Variants in RAB27A observed in about 807,000 individuals in gnomAD.
The protein encoded by RAB27A is ras-related protein Rab-27A.
A neutral mutation model predicts 20.8 loss-of-function variants in RAB27A; 17 were observed. The ratio of observed to expected loss-of-function variants is 0.82; its 90% CI spans 0.56 to 1.23. RAB27A has a LOEUF of 1.23. RAB27A is among the 50% of genes most tolerant of loss of function. RAB27A has a pLI of 0.00. For missense variants in RAB27A, 277 were observed against 266.7 expected, an observed-to-expected ratio of 1.04 and a Z score of -0.27; for synonymous variants, 85 against 92.8, an observed-to-expected ratio of 0.92 and a Z score of 0.48.
intron 2 of RAB27A, among the ~76,000 whole-genome samples, chr15:55,258,208 C>A (rs2141058222): frequency 6.6e-6 from 1 of 152,178 alleles, no homozygotes; most frequent in East Asian, 1.9e-4. Context: ...CTCTTATTAC[C>A]CTTATCTAAT....
At chr15:55,253,059 G>T (rs1373449710) in intron 2 of RAB27A, among the ~76,000 whole-genome samples, 1 of 151,896 alleles carries the variant, frequency 6.6e-6, no homozygotes, top group Non-Finnish European at 1.5e-5. Context: ...TTGAACCCAG[G>T]AGGCGGAGGT....
intron 2 of RAB27A, among the ~76,000 whole-genome samples, chr15:55,306,061 G>A (rs1342943014): frequency 1.3e-5 from 2 of 152,156 alleles, no homozygotes; most frequent in Admixed American, 6.6e-5. Flanking sequence ...ACAACAATAG[G>A]CTGAGGTACC....
chr15:55,281,778 A>G (rs1034024476), intron 1 of RAB27A, among the ~76,000 whole-genome samples: 2 of 142,368 alleles, frequency 1.4e-5, no homozygotes, highest in African/African-American at 5.0e-5. Flanking sequence ...AAAGAGAAGG[A>G]AAAAAAAAGA....
chr15:55,279,350 A>G (rs1897956130), intron 1 of RAB27A, among the ~76,000 whole-genome samples: 1 of 152,196 alleles, frequency 6.6e-6, no homozygotes, highest in Non-Finnish European at 1.5e-5. Context: ...AGAATCACCT[A>G]GGATATGTGA....
intron 2 of RAB27A, among the ~76,000 whole-genome samples, chr15:55,253,423 GGTGACA>G (rs960458404): frequency 4.1e-4 from 62 of 151,928 alleles, no homozygotes; most frequent in African/African-American, 1.5e-3. Context: ...CTCCAGCCTG[GGTGACA>G]GAGCGAGACT....
chr15:55,249,084 G>A (rs1338836947), intron 2 of RAB27A: 4 of 152,124 alleles, frequency 2.6e-5, no homozygotes, highest in African/African-American at 4.8e-5. Context: ...TATAGAATGG[G>A]GTGTGACTTG....
rs190632652 is a variant in RAB27A, at chr15:55,282,582, G to C, written c.-143+7134C>G. On this transcript the variant is annotated intron_variant, in intron 1 of 6. Coordinates refer to ENST00000336787, the MANE Select transcript of RAB27A (RefSeq NM_183235.3). ...TTTTATTATTTCCTTTCCAGGGTATGGTGGTCAGCTGGAAATCTGGGAAGT... is the reference window on the plus strand; with the variant it reads ...TTTTATTATTTCCTTTCCAGGGTATCGTGGTCAGCTGGAAATCTGGGAAGT... 8.9e-4 allele frequency among the ~76,000 whole-genome samples: 136 copies of C among 152,260 alleles called. 1 individual carries two copies. The highest frequency in any genetic ancestry group is 3.2e-3 in the African/African-American group (131 of 41,542).
At chr15:55,287,071 C>T (rs28380118) in intron 1 of RAB27A, among the ~76,000 whole-genome samples, 3,295 of 151,840 alleles carry the variant, frequency 0.022, 116 homozygotes, top group African/African-American at 0.076. Flanking sequence ...AGGCACCCAC[C>T]ACCACGCCCC....
intron 2 of RAB27A, among the ~76,000 whole-genome samples, chr15:55,303,288 G>A (rs1484597759): frequency 9.2e-6 from 1 of 108,662 alleles, no homozygotes; most frequent in African/African-American, 4.2e-5. Flanking sequence ...CTGGCCAGCC[G>A]CCCCGTCCGG....
chr15:55,234,337 A>G (rs1896163859), intron 3 of RAB27A, among the ~76,000 whole-genome samples: 1 of 152,208 alleles, frequency 6.6e-6, no homozygotes, highest in Non-Finnish European at 1.5e-5. Flanking sequence ...CCCTCCTGGC[A>G]GCAGTGATAA....
intron 2 of RAB27A, among the ~76,000 whole-genome samples, chr15:55,300,628 G>C (rs58701687): frequency 0.27 from 41,640 of 151,932 alleles, 6,982 homozygotes; most frequent in East Asian, 0.55. Flanking sequence ...GCAGTAAGCC[G>C]AGAGTGTGCC....
chr15:55,224,893 G>C (rs1057479788), intron 5 of RAB27A, among the ~76,000 whole-genome samples: 1 of 152,142 alleles, frequency 6.6e-6, no homozygotes, highest in African/African-American at 2.4e-5. Context: ...TTATGAAGTA[G>C]TGTTCATCAT....
chr15:55,233,184 T>A (rs527486756), intron 3 of RAB27A, among the ~76,000 whole-genome samples: 137 of 152,246 alleles, frequency 9.0e-4, no homozygotes, highest in African/African-American at 3.2e-3. Context: ...GCTGTATTGA[T>A]GATGGCACAC....
intron 6 of RAB27A, among the ~76,000 whole-genome samples, chr15:55,214,388 A>G (rs939141055): frequency 6.6e-6 from 1 of 152,194 alleles, no homozygotes; most frequent in African/African-American, 2.4e-5. Context: ...GTGAGCCAAG[A>G]TCACGCCACT....
At position 55,259,093 on chromosome 15, in the gene RAB27A, G is replaced by A. The variant is rs117361449; in HGVS notation, c.-23+11072C>T. Among the ~76,000 whole-genome samples the A allele has an allele frequency of 1.0e-3, 154 of 152,304 alleles. 2 individuals carry two copies. In the East Asian group the frequency reaches 0.029, roughly 29 times the overall value. On this transcript the variant is annotated intron_variant, in intron 2 of 6. Transcript: ENST00000336787. ...GGCCGTCCAAAGTGCTGAGATTATAGACATAAGCCACCATGCCCAGCCAGG... is the reference window on the plus strand; with the variant it reads ...GGCCGTCCAAAGTGCTGAGATTATAAACATAAGCCACCATGCCCAGCCAGG...
At chr15:55,243,871 G>A (rs1173776516) in intron 2 of RAB27A, among the ~76,000 whole-genome samples, 1 of 151,978 alleles carries the variant, frequency 6.6e-6, no homozygotes, top group Non-Finnish European at 1.5e-5. Context: ...CCTGCCTTTG[G>A]GTTTTCAAAT....
At chr15:55,260,700 T>G (rs1420505688) in intron 2 of RAB27A, among the ~76,000 whole-genome samples, 1 of 152,210 alleles carries the variant, frequency 6.6e-6, no homozygotes, top group African/African-American at 2.4e-5. Flanking sequence ...TGATTCCAAC[T>G]ATGTGGCATT....
Position 55,274,794 on chromosome 15 carries a change from TTATATATATATATA to T in RAB27A, c.-142-4524_-142-4511del, listed in dbSNP as rs371945954. ...ATCCGTCCTTAAAAAAATAAATAAA[TTATATATATATATA>T]TATATATATATATATATGTATAGAG... On this transcript the variant is annotated intron_variant, in intron 1 of 6. Coordinates refer to ENST00000336787, the MANE Select transcript of RAB27A (RefSeq NM_183235.3). Among the ~76,000 whole-genome samples, 58 of 52,154 alleles carry T rather than the reference TTATATATATATATA, an allele frequency of 1.1e-3. 5 individuals carry two copies. Among genetic ancestry groups the T allele is most frequent in the Admixed American group, 3.4e-3 (14 of 4,130 alleles). The allele number at this position is 52,154 out of a possible 152,430, so 34.2% of individuals were successfully genotyped here. A position where few individuals can be genotyped will look rare whatever the true frequency, so the allele number is the denominator to read the frequency against.
At chr15:55,258,155 C>T (rs1815135350) in intron 2 of RAB27A, among the ~76,000 whole-genome samples, 1 of 151,814 alleles carries the variant, frequency 6.6e-6, no homozygotes, top group Non-Finnish European at 1.5e-5. Flanking sequence ...CTCTCACTCT[C>T]CTTGAAACCA....
Sources: allele counts gnomAD v4.1 joint callset (sites outside exome capture counted in the v4.1 genomes callset), GRCh38; gene constraint gnomAD v4.1.1; transcripts MANE v1.5; gene names NCBI Gene and HGNC (gene_info 2026-07-23, HGNC 2026-07-21).